The following TOP2A variants were observed in gnomAD, a reference collection of about 807,000 sequenced individuals.
TOP2A encodes DNA topoisomerase II alpha.
Under a neutral mutation model 187.2 loss-of-function variants are expected in TOP2A, and 68 were observed. That is an observed-to-expected ratio of 0.36 (90% confidence interval 0.30 to 0.44). TOP2A has a LOEUF of 0.44. Ranked by LOEUF, TOP2A falls within the 20% of genes least tolerant of loss-of-function variation. The pLI is 1.00. For missense variants in TOP2A, 1,196 were observed against 1,808.7 expected, an observed-to-expected ratio of 0.66 and a Z score of 6.14; for synonymous variants, 542 against 593.2, an observed-to-expected ratio of 0.91 and a Z score of 1.25.
intron 29 of TOP2A, among the ~76,000 whole-genome samples, chr17:40,393,334 GA>G (rs534582249): frequency 6.7e-6 from 1 of 148,476 alleles, no homozygotes; most frequent in African/African-American, 2.5e-5. Context: ...CTCAAAAAAA[GA>G]AAAAAAAAGA....
chr17:40,415,058 T>G (rs1486107940), intron 4 of TOP2A, among the ~76,000 whole-genome samples: 1 of 135,452 alleles, frequency 7.4e-6, no homozygotes, highest in Non-Finnish European at 1.6e-5. Flanking sequence ...TTAGCTCAAC[T>G]TTTTTTTTTT....
Position 40,391,614 on chromosome 17 carries a change from T to C in TOP2A, c.4159A>G (p.Ser1387Gly). ...GGAGGGCTTGAAGACAGTGGTACAC[T>C]GCCCTTAACATCATCAGCTTCAAGG... ...SDLEADDVKG[S>G]VPLSSSPPAT... is the part of the protein sequence containing the mutation. Residue 1387 changes from serine (S) to glycine (G), a missense_variant, in exon 33 of 35, where the codon AGT becomes GGT. This residue lies in a region of TOP2A where 374 missense variants were observed against 403.3 expected (regional missense o/e 0.93). Transcript: ENST00000423485. 2 of 1,607,360 alleles carry C rather than the reference T, an allele frequency of 1.2e-6. No homozygotes were observed. The highest frequency in any genetic ancestry group is 1.7e-6 in the Non-Finnish European group (2 of 1,177,552).
intron 10 of TOP2A, chr17:40,409,426 T>C (rs570534892): frequency 1.3e-4 from 54 of 429,994 alleles, no homozygotes; most frequent in South Asian, 9.1e-4. Context: ...ATAAAACAAA[T>C]TGAGACACTT....
chr17:40,416,331 G>T (rs946007330), intron 3 of TOP2A, 91 bp downstream of exon 3: 1 of 952,254 alleles, frequency 1.1e-6, no homozygotes, highest in Non-Finnish European at 1.6e-6. Flanking sequence ...GATACTTTTT[G>T]TTTTTACTTT....
rs34273139 is a variant in TOP2A, at chr17:40,400,281, T to C, written c.2928A>G (p.Lys976=). 2,974 of 1,613,862 alleles carry C rather than the reference T, an allele frequency of 1.8e-3. 47 individuals are homozygous for C. In the African/African-American group the frequency reaches 0.034, roughly 18 times the overall value. Residue 976 remains lysine, a synonymous_variant, in exon 23 of 35, where the codon AAA becomes AAG. Coordinates refer to ENST00000423485, the MANE Select transcript of TOP2A (RefSeq NM_001067.4). ...VKFVVKMTEE[K]LAEAERVGLH... ...GTCCAACTCTCTCTGCCTCTGCCAG[T>C]TTTTCTTCAGTCATCTTCACAACAA...
chr17:40,413,630 GAAAA>G lies in TOP2A; in HGVS notation c.333-9_333-6del, dbSNP rs770027336. On this transcript the variant is annotated splice_region_variant and splice_polypyrimidine_tract_variant and intron_variant, in intron 4 of 34. Transcript: ENST00000423485. ...ATACTAATTAAATTGTTTTCCCTAAGAAAAAAAGATTGAAAATTGTATTTTACAA... is the reference window on the plus strand; with the variant it reads ...ATACTAATTAAATTGTTTTCCCTAAGAAAGATTGAAAATTGTATTTTACAA... The G allele has an allele frequency of 3.9e-6, 5 of 1,268,450 alleles. No individual in the cohort carries two copies. The highest frequency in any genetic ancestry group is 5.8e-5 in the Admixed American group (2 of 34,630). 78.6% of individuals were successfully genotyped at this position (1,268,450 alleles called of 1,614,324 possible).
Position 40,417,833 on chromosome 17 carries a change from A to G in TOP2A, c.-42T>C, listed in dbSNP as rs975087066. 42 of 1,612,706 alleles carry G rather than the reference A, an allele frequency of 2.6e-5. No homozygotes were observed. Among genetic ancestry groups the G allele is most frequent in the Non-Finnish European group, 3.6e-5 (42 of 1,179,580 alleles). On this transcript the variant is annotated 5_prime_UTR_variant, in exon 1 of 35. Coordinates refer to ENST00000423485, the MANE Select transcript of TOP2A (RefSeq NM_001067.4). Reference sequence around the variant, plus strand: ...GGGCTCAAGAACCCTGAAAGCGACTAAACAGGCAGGACCCCACGAGACCAC... The same window carrying G: ...GGGCTCAAGAACCCTGAAAGCGACTGAACAGGCAGGACCCCACGAGACCAC...
In TOP2A at chr17:40,416,005, G is replaced by A. The variant is rs1347294511; in HGVS notation, c.332C>T (p.Pro111Leu). ...AACAAAAACTAAGCAAAAGACGTAC[G>A]GATCAATTGTGACTCTAATACAAGA... is the stretch of plus-strand genomic sequence containing the variant. ...KMSCIRVTID[P>L]ENNLISIWNN... The change falls in exon 4 of 35, where the codon CCG (proline) becomes CTG (leucine). Residue 111 changes from proline to leucine, a missense_variant and splice_region_variant. Around this residue, in one of 10 missense-constraint regions of TOP2A, gnomAD observed 97 missense variants for 171.0 expected, o/e 0.57. Coordinates refer to ENST00000423485, the MANE Select transcript of TOP2A (RefSeq NM_001067.4). 21 of 1,581,030 alleles carry A rather than the reference G, an allele frequency of 1.3e-5. No individual in the cohort carries two copies. The highest frequency in any genetic ancestry group is 1.7e-5 in the Non-Finnish European group (20 of 1,159,680).
At position 40,411,965 on chromosome 17, in the gene TOP2A, G is replaced by A; in HGVS notation, c.790-147C>T. 4.6e-6 allele frequency: 3 copies of A among 646,502 alleles called. No homozygotes were observed. The allele number at this position is 646,502 out of a possible 1,614,324, so 40.0% of individuals were successfully genotyped here. A position where few individuals can be genotyped will look rare whatever the true frequency, so the allele number is the denominator to read the frequency against. ...CATTAAAGGACACAGGCCGAGGTGG[G>A]TGGATCACTTGAGCCCAGGAGTTCA... On this transcript the variant is annotated intron_variant, in intron 7 of 34. Transcript: ENST00000423485. This position sits in a 1 kb window ranked among gnomAD's most constrained non-coding sequence, Gnocchi z 4.4.
chr17:40,403,154 T>G, intron 19 of TOP2A, 100 bp from the exon 20 acceptor site: 1 of 1,161,032 alleles, frequency 8.6e-7, no homozygotes. Flanking sequence ...TGAGGTCTAG[T>G]TGTTTAGTGA....
intron 5 of TOP2A, 24 bp from the exon 6 acceptor site, chr17:40,413,316 T>C: frequency 5.3e-6 from 8 of 1,519,702 alleles, no homozygotes; most frequent in Middle Eastern, 1.7e-4. Context: ...TATGAAACAC[T>C]ATTTTATTGT....
intron 33 of TOP2A, 98 bp from the exon 34 acceptor site, chr17:40,390,262 C>T (rs1012643000): frequency 5.1e-5 from 57 of 1,127,432 alleles, no homozygotes; most frequent in Non-Finnish European, 6.8e-5. Context: ...TATCTCGGCT[C>T]ACTGCAACCT....
At chr17:40,404,306 C>T (rs772042314) in intron 18 of TOP2A, 33 bp from the exon 19 acceptor site, 2 of 1,609,388 alleles carry the variant, frequency 1.2e-6, no homozygotes, top group Non-Finnish European at 1.7e-6. Context: ...ACGTAAGTAT[C>T]CTCAATTTAA....
intron 4 of TOP2A, among the ~76,000 whole-genome samples, chr17:40,415,469 A>G (rs2035379322): frequency 6.6e-6 from 1 of 152,222 alleles, no homozygotes; most frequent in African/African-American, 2.4e-5. Context: ...ATCACCCACT[A>G]AGGGACACCC....
Position 40,411,342 on chromosome 17 carries a change from A to AC in TOP2A, c.1065+11_1065+12insG, listed in dbSNP as rs767065866. The AC allele has an allele frequency of 1.5e-5, 24 of 1,613,304 alleles. No homozygotes were observed. The African/African-American group carries it at 3.1e-4, about 21-fold the overall frequency. Reference sequence around the variant, plus strand: ...TTGACTTTAGAAAAAGAAAACTGCCAAAAGCACATACCTGATGTGCTTTTA... The same window carrying AC: ...TTGACTTTAGAAAAAGAAAACTGCCACAAAGCACATACCTGATGTGCTTTTA... On this transcript the variant is annotated intron_variant, in intron 9 of 34. Coordinates refer to ENST00000423485, the MANE Select transcript of TOP2A (RefSeq NM_001067.4). This position sits in a 1 kb window ranked among gnomAD's most constrained non-coding sequence, Gnocchi z 4.4.
intron 16 of TOP2A, among the ~76,000 whole-genome samples, chr17:40,405,363 C>T (rs1286099852): frequency 6.6e-6 from 1 of 151,414 alleles, no homozygotes; most frequent in Non-Finnish European, 1.5e-5. Flanking sequence ...GTTGGTCAGG[C>T]TGGTCTTGAA....
At chr17:40,410,768 G>A in intron 10 of TOP2A, 2 of 411,010 alleles carry the variant, frequency 4.9e-6, no homozygotes, top group Non-Finnish European at 9.4e-6. Flanking sequence ...GGGGCTGCTT[G>A]TATGGGCAAA....
chr17:40,398,999 C>A (rs765600211), intron 25 of TOP2A, 41 bp downstream of exon 25: 1 of 1,596,032 alleles, frequency 6.3e-7, no homozygotes, highest in South Asian at 1.1e-5. Context: ...TTGTACAATA[C>A]ATAGTCTTTA....
In TOP2A at chr17:40,413,523, G is replaced by A. The variant is rs1315004736; in HGVS notation, c.435C>T (p.Leu145=). Residue 145 remains leucine, a synonymous_variant, in exon 5 of 35, where the codon CTC becomes CTT. Transcript: ENST00000423485. The part of the protein sequence containing the change: ...MYVPALIFGQ[L]LTSSNYDDDE... The stretch of plus-strand genomic sequence containing the variant: ...CATCATCATAGTTACTAGAAGTTAG[G>A]AGCTGTCCAAATATGAGAGCTGGGA... The A allele has an allele frequency of 4.5e-6, 7 of 1,543,318 alleles. No individual in the cohort carries two copies. Among genetic ancestry groups the A allele is most frequent in the Non-Finnish European group, 6.1e-6 (7 of 1,143,640 alleles).
Sources: allele counts gnomAD v4.1 joint callset (sites outside exome capture counted in the v4.1 genomes callset), GRCh38; gene constraint gnomAD v4.1.1; regional missense constraint gnomAD v4.1.1; non-coding constraint Gnocchi (gnomAD v3.1); transcripts MANE v1.5; gene names NCBI Gene and HGNC (gene_info 2026-07-23, HGNC 2026-07-21).